The following THUMPD2 variants were observed in gnomAD, a reference collection of about 807,000 sequenced individuals.
THUMPD2 encodes THUMP domain 2 tRNA and snRNA guanosine methyltransferase, also known as U6 snRNA (guanine-N(2))-methyltransferase THUMPD2.
A neutral mutation model predicts 49.4 loss-of-function variants in THUMPD2; 56 were observed. The ratio of observed to expected loss-of-function variants is 1.13; its 90% confidence interval spans 0.91 to 1.41. The LOEUF (loss-of-function observed/expected upper bound fraction) is 1.41. Among genes scored for constraint, THUMPD2 ranks in the 40% most tolerant of loss-of-function variants. The probability of loss-of-function intolerance (pLI) is 0.00; values close to 1 mark genes in which losing one functional copy is unlikely to be tolerated. For missense variants in THUMPD2, 709 were observed against 594.5 expected, an observed-to-expected ratio of 1.19 and a Z score of -2.00; for synonymous variants, 237 against 205.2, an observed-to-expected ratio of 1.15 and a Z score of -1.32.
intron 2 of THUMPD2, among the ~76,000 whole-genome samples, chr2:39,770,633 A>G (rs1187795920): frequency 6.6e-6 from 1 of 152,130 alleles, no homozygotes; most frequent in Non-Finnish European, 1.5e-5. Flanking sequence ...ATAGCTTAGC[A>G]TACTGCCAGT....
At position 39,736,671 on chromosome 2, in the gene THUMPD2, C is replaced by T. The variant is rs2148136913; in HGVS notation, c.*64G>A. On this transcript the variant is annotated 3_prime_UTR_variant, in exon 10 of 10. Coordinates refer to ENST00000505747, the MANE Select transcript of THUMPD2 (RefSeq NM_025264.5). Reference sequence around the variant, plus strand: ...GTGGGTGCTATATGAATCCTAGAGACAGCAAACTTCTGCTGTACAGCTAAC... The same window carrying T: ...GTGGGTGCTATATGAATCCTAGAGATAGCAAACTTCTGCTGTACAGCTAAC... 6.9e-7 allele frequency: 1 copy of T among 1,454,516 alleles called. No homozygotes were observed. The highest frequency in any genetic ancestry group is 9.2e-7 in the Non-Finnish European group (1 of 1,082,412). 90.1% of individuals were successfully genotyped at this position (1,454,516 alleles called of 1,614,324 possible).
chr2:39,770,095 C>A lies in THUMPD2; in HGVS notation c.287G>T (p.Arg96Ile). The A allele has an allele frequency of 6.6e-7, 1 of 1,504,830 alleles. No individual in the cohort carries two copies. Among genetic ancestry groups the A allele is most frequent in the Admixed American group, 2.6e-5 (1 of 38,496 alleles). The allele number at this position is 1,504,830 out of a possible 1,614,324, so 93.2% of individuals were successfully genotyped here. The part of the protein sequence containing the change: ...SKGKIFNEMQ[R>I]LINEDPGSWL... Reference sequence around the variant, plus strand: ...ACTTCCTGGATCTTCATTTATAAGTCTTTGCATTTCATTAAATATTTTTCC... The same window carrying A: ...ACTTCCTGGATCTTCATTTATAAGTATTTGCATTTCATTAAATATTTTTCC... Residue 96 changes from arginine to isoleucine, a missense_variant, in exon 3 of 10, where the codon AGA becomes ATA. Physicochemically the swap from Arg to Ile is moderately conservative, Grantham distance 97 (BLOSUM62 -3). Transcript: ENST00000505747.
intron 5 of THUMPD2, among the ~76,000 whole-genome samples, chr2:39,763,343 T>C (rs997423529): frequency 5.3e-5 from 8 of 152,128 alleles, no homozygotes; most frequent in African/African-American, 1.9e-4. Flanking sequence ...GAATACACTA[T>C]CCTGGATTTC....
intron 6 of THUMPD2, 104 bp downstream of exon 6, chr2:39,761,227 A>G: frequency 9.7e-7 from 1 of 1,027,766 alleles, no homozygotes; most frequent in Non-Finnish European, 1.4e-6. Context: ...AAAAGCGTCA[A>G]GAAAAGAAAA....
intron 1 of THUMPD2, among the ~76,000 whole-genome samples, chr2:39,775,945 G>C (rs1200593916): frequency 6.6e-6 from 1 of 151,886 alleles, no homozygotes; most frequent in Non-Finnish European, 1.5e-5. Context: ...AAATTTATGT[G>C]GCCTATTCAG....
intron 1 of THUMPD2, among the ~76,000 whole-genome samples, chr2:39,774,082 C>T (rs1033339657): frequency 1.1e-4 from 17 of 152,208 alleles, no homozygotes; most frequent in Non-Finnish European, 2.1e-4. Context: ...GGTATGTTTA[C>T]GTGGTCCCAG....
At chr2:39,742,451 C>T (rs984809747) in intron 9 of THUMPD2, among the ~76,000 whole-genome samples, 6 of 152,112 alleles carry the variant, frequency 3.9e-5, no homozygotes, top group Admixed American at 2.6e-4. Flanking sequence ...AAAACCAAAC[C>T]CATCCTAGAG....
chr2:39,778,931 A>C (rs1325823291), intron 1 of THUMPD2, among the ~76,000 whole-genome samples, 183 bp downstream of exon 1: 1 of 152,224 alleles, frequency 6.6e-6, no homozygotes, highest in African/African-American at 2.4e-5. Context: ...ACAAGGAAAG[A>C]AAGGAATGGT....
Position 39,769,855 on chromosome 2 carries a change from T to C in THUMPD2, c.527A>G (p.Asp176Gly). The change falls in exon 3 of 10, where the codon GAT (aspartate) becomes GGT (glycine). Residue 176 changes from aspartate (D) to glycine (G), a missense_variant. Physicochemically the swap from Asp to Gly is moderately conservative, Grantham distance 94. Coordinates refer to ENST00000505747, the MANE Select transcript of THUMPD2 (RefSeq NM_025264.5). ...QIKEETLEQR[D>G]FTTKSEKFQE... ...AAACTTTTCGCTTTTAGTGGTAAAATCTCTTTGCTCCAGAGTTTCTTCTTT... is the reference window on the plus strand; with the variant it reads ...AAACTTTTCGCTTTTAGTGGTAAAACCTCTTTGCTCCAGAGTTTCTTCTTT... 6.2e-7 allele frequency: 1 copy of C among 1,612,022 alleles called. No individual in the cohort carries two copies.
At chr2:39,774,769 T>C (rs1405178338) in intron 1 of THUMPD2, among the ~76,000 whole-genome samples, 1 of 152,192 alleles carries the variant, frequency 6.6e-6, no homozygotes, top group Non-Finnish European at 1.5e-5. Context: ...TTCTCATGTT[T>C]CTTACCTGAA....
intron 8 of THUMPD2, among the ~76,000 whole-genome samples, chr2:39,746,925 T>C (rs1033039518): frequency 4.6e-5 from 7 of 152,202 alleles, no homozygotes; most frequent in African/African-American, 1.7e-4. Context: ...TCATATTCTG[T>C]CTCCTAACAG....
intron 9 of THUMPD2, among the ~76,000 whole-genome samples, chr2:39,739,046 A>G (rs1319727982): frequency 1.3e-5 from 2 of 152,168 alleles, no homozygotes; most frequent in African/African-American, 4.8e-5. Context: ...ATATTTGTCT[A>G]CTTCATTCAT....
intron 1 of THUMPD2, among the ~76,000 whole-genome samples, chr2:39,776,574 A>G (rs1479878628): frequency 6.6e-6 from 1 of 152,014 alleles, no homozygotes; most frequent in Non-Finnish European, 1.5e-5. Flanking sequence ...TATTTTTAGT[A>G]GAGACGGGGT....
chr2:39,745,907 A>C (rs1216912556), intron 8 of THUMPD2, among the ~76,000 whole-genome samples: 1 of 152,240 alleles, frequency 6.6e-6, no homozygotes, highest in Non-Finnish European at 1.5e-5. Context: ...GGTTGAGAGC[A>C]TAAGCTCTGG....
intron 8 of THUMPD2, among the ~76,000 whole-genome samples, chr2:39,750,834 C>A (rs1675307333): frequency 1.3e-5 from 2 of 152,154 alleles, no homozygotes; most frequent in Admixed American, 1.3e-4. Flanking sequence ...TTGTAAATAT[C>A]AACAAATATT....
At chr2:39,769,685 A>G (rs1189454525) in intron 3 of THUMPD2, 25 bp downstream of exon 3, 1 of 1,478,430 alleles carries the variant, frequency 6.8e-7, no homozygotes, top group Non-Finnish European at 8.9e-7. Flanking sequence ...TGGGCGACAG[A>G]CTCCACTTTA....
At position 39,755,285 on chromosome 2, in the gene THUMPD2, A is replaced by G. The variant is rs376014337; in HGVS notation, c.1078+10T>C. 8.8e-6 allele frequency: 13 copies of G among 1,482,958 alleles called. No homozygotes were observed. Among genetic ancestry groups the G allele is most frequent in the Non-Finnish European group, 1.2e-5 (13 of 1,102,340 alleles). 91.9% of individuals were successfully genotyped at this position (1,482,958 alleles called of 1,614,324 possible). A position where few individuals can be genotyped will look rare whatever the true frequency, so the allele number is the denominator to read the frequency against. ...CTTTTCTCAATTGTTTTGCATTTTT[A>G]GTATCTTACCTATAACAGAGATTTT... On this transcript the variant is annotated intron_variant, in intron 8 of 9. Transcript: ENST00000505747.
At chr2:39,752,327 G>C (rs913859128) in intron 8 of THUMPD2, among the ~76,000 whole-genome samples, 1 of 152,148 alleles carries the variant, frequency 6.6e-6, no homozygotes, top group African/African-American at 2.4e-5. Context: ...AGGCCATACA[G>C]TGAAAAAACG....
At chr2:39,758,950 C>T (rs958836810) in intron 6 of THUMPD2, among the ~76,000 whole-genome samples, 6 of 152,020 alleles carry the variant, frequency 3.9e-5, no homozygotes, top group East Asian at 1.9e-4. Flanking sequence ...ACACACATAC[C>T]TTTTGAAGCT....
Sources: allele counts gnomAD v4.1 joint callset (sites outside exome capture counted in the v4.1 genomes callset), GRCh38; gene constraint gnomAD v4.1.1; transcripts MANE v1.5; gene names NCBI Gene and HGNC (gene_info 2026-07-23, HGNC 2026-07-21).